The following LRRK1 variants were observed in gnomAD, a reference collection of about 807,000 sequenced individuals.
The protein encoded by LRRK1 is leucine rich repeat kinase 1.
In LRRK1, 113 loss-of-function variants were observed where a neutral mutation model predicts 209.1. That is an observed-to-expected ratio of 0.54 (90% CI 0.46 to 0.63). LRRK1 has a LOEUF of 0.63. Among genes scored for constraint, LRRK1 ranks in the 30% least tolerant of loss-of-function variants. The probability of loss-of-function intolerance (pLI) is 0.00; values close to 1 mark genes in which losing one functional copy is unlikely to be tolerated. For synonymous variants in LRRK1, 1,144 were observed against 1,099.7 expected (o/e 1.04, Z -0.80); for missense variants, 2,284 against 2,632.2 (o/e 0.87, Z 2.89).
intron 4 of LRRK1, among the ~76,000 whole-genome samples, chr15:100,988,418 G>A (rs560064137): frequency 9.9e-5 from 15 of 152,248 alleles, no homozygotes; most frequent in South Asian, 2.1e-4. Flanking sequence ...CTGTTGTTGC[G>A]TTAGTTCACT....
rs13380205 is a variant in LRRK1, at chr15:100,969,740, T to G, written c.98-4064T>G. The stretch of plus-strand genomic sequence containing the variant: ...CAGCTCCCACTTATAAGTGAGAACA[T>G]GTGGTATTTGGTTTTCTGTTCCTGT... On this transcript the variant is annotated intron_variant, in intron 2 of 33. Transcript: ENST00000388948. Among the ~76,000 whole-genome samples the G allele has an allele frequency of 2.2e-3, 337 of 152,302 alleles. 4 individuals are homozygous for G. The highest frequency in any genetic ancestry group is 7.5e-3 in the African/African-American group (312 of 41,554).
Position 100,956,738 on chromosome 15 carries a change from C to T in LRRK1, c.98-17066C>T, listed in dbSNP as rs188439512. On this transcript the variant is annotated intron_variant, in intron 2 of 33. Coordinates refer to ENST00000388948, the MANE Select transcript of LRRK1 (RefSeq NM_024652.6). ...TTGGCCTCCCAAAGTGCTGGGATTG[C>T]AGGCGTGAGCCACCATGACCAGCCT... Among the ~76,000 whole-genome samples, 316 of 152,232 alleles carry T rather than the reference C, an allele frequency of 2.1e-3. 3 individuals carry two copies. The highest frequency in any genetic ancestry group is 7.3e-3 in the African/African-American group (302 of 41,536).
Position 100,973,916 on chromosome 15 carries a change from C to A in LRRK1, c.210C>A (p.Ala70=). 7.9e-7 allele frequency: 1 copy of A among 1,265,682 alleles called. No homozygotes were observed. Among genetic ancestry groups the A allele is most frequent in the Non-Finnish European group, 1.0e-6 (1 of 1,000,028 alleles). The allele number at this position is 1,265,682 out of a possible 1,614,324, so 78.4% of individuals were successfully genotyped here. ...AAYRRGDRGG[A]RDLLEEACDQ... ...ACAGGCGGGGAGACCGCGGCGGCGC[C>A]CGGGACCTGCTGGAGGAGGCCTGCG... Residue 70 remains alanine, a synonymous_variant, in exon 3 of 34, where the codon GCC becomes GCA. Transcript: ENST00000388948.
Position 100,924,526 on chromosome 15 carries a change from T to A in LRRK1, c.-107T>A. 2 of 880,588 alleles carry A rather than the reference T, an allele frequency of 2.3e-6. No individual in the cohort carries two copies. Among genetic ancestry groups the A allele is most frequent in the Non-Finnish European group, 3.6e-6 (2 of 548,210 alleles). 54.5% of individuals were successfully genotyped at this position (880,588 alleles called of 1,614,324 possible). A position where few individuals can be genotyped will look rare whatever the true frequency, so the allele number is the denominator to read the frequency against. ...TCGCCACCAGAGCAAGAAAGCTTTC[T>A]GCTCAGCCATGGCTACGAGTCCACG... On this transcript the variant is annotated 5_prime_UTR_variant, in exon 2 of 34. Coordinates refer to ENST00000388948, the MANE Select transcript of LRRK1 (RefSeq NM_024652.6).
At chr15:100,950,884 A>ATCT (rs1240084969) in intron 2 of LRRK1, among the ~76,000 whole-genome samples, 1 of 152,198 alleles carries the variant, frequency 6.6e-6, no homozygotes, top group Non-Finnish European at 1.5e-5. Context: ...CGGGCAGATC[A>ATCT]CGAGGTCAGG....
chr15:101,059,327 GTTTGCCACTGCAGTGGGTGGTGAT>G (rs896726423), intron 29 of LRRK1, among the ~76,000 whole-genome samples: 3 of 152,188 alleles, frequency 2.0e-5, no homozygotes, highest in African/African-American at 7.2e-5. Flanking sequence ...GAACCCAGGA[GTTTGCCACTGCAGTGGGTGGTGAT>G]TGTGCCACTG....
chr15:100,927,613 C>T (rs1382616616), intron 2 of LRRK1, among the ~76,000 whole-genome samples: 6 of 152,150 alleles, frequency 3.9e-5, no homozygotes, highest in Admixed American at 3.9e-4. Context: ...GTGCAGTGAC[C>T]TAATACAGAG....
At chr15:100,941,424 GTGTC>G (rs2042422904) in intron 2 of LRRK1, among the ~76,000 whole-genome samples, 1 of 119,976 alleles carries the variant, frequency 8.3e-6, no homozygotes. Flanking sequence ...GTGTGTGTGT[GTGTC>G]TGTGTGTGTG....
intron 27 of LRRK1, among the ~76,000 whole-genome samples, chr15:101,056,188 C>T (rs1380035927): frequency 3.3e-5 from 5 of 152,164 alleles, no homozygotes; most frequent in Non-Finnish European, 5.9e-5. Context: ...TAAATTTTTC[C>T]TTGCTGGACC....
At chr15:101,011,265 G>GATCACA (rs2033224371) in intron 9 of LRRK1, among the ~76,000 whole-genome samples, 1 of 151,396 alleles carries the variant, frequency 6.6e-6, no homozygotes. Flanking sequence ...TCAGGAGATT[G>GATCACA]AGACCATCCT....
At position 100,941,440 on chromosome 15, in the gene LRRK1, G is replaced by GTC. The variant is rs1567191134; in HGVS notation, c.97+16712_97+16713insCT. Reference sequence around the variant, plus strand: ...TGTGTGTGTGTGTCTGTGTGTGTGTGTGTGTCTGTGTGTGTCTATGTCTCT... The same window carrying GTC: ...TGTGTGTGTGTGTCTGTGTGTGTGTGTCTGTGTCTGTGTGTGTCTATGTCTCT... On this transcript the variant is annotated intron_variant, in intron 2 of 33. Coordinates refer to ENST00000388948, the MANE Select transcript of LRRK1 (RefSeq NM_024652.6). Among the ~76,000 whole-genome samples the GTC allele has an allele frequency of 2.1e-4, 29 of 138,908 alleles. 6 individuals carry two copies. Among genetic ancestry groups the GTC allele is most frequent in the African/African-American group, 7.4e-4 (25 of 33,984 alleles). The allele number at this position is 138,908 out of a possible 152,430, so 91.1% of individuals were successfully genotyped here. A position where few individuals can be genotyped will look rare whatever the true frequency, so the allele number is the denominator to read the frequency against.
intron 2 of LRRK1, among the ~76,000 whole-genome samples, chr15:100,933,389 G>T (rs992083251): frequency 6.6e-6 from 1 of 152,102 alleles, no homozygotes; most frequent in Non-Finnish European, 1.5e-5. Context: ...GACATTTCTT[G>T]TATTTTCTTT....
intron 2 of LRRK1, among the ~76,000 whole-genome samples, chr15:100,957,155 A>C (rs935554883): frequency 2.6e-5 from 4 of 152,240 alleles, no homozygotes; most frequent in Non-Finnish European, 5.9e-5. Context: ...ATAAGAAAAG[A>C]AACTTGATAA....
chr15:100,994,768 G>C (rs1458516108), intron 6 of LRRK1, among the ~76,000 whole-genome samples: 1 of 152,160 alleles, frequency 6.6e-6, no homozygotes, highest in Non-Finnish European at 1.5e-5. Flanking sequence ...AAGTACCTTG[G>C]AGTGGGTGTG....
chr15:100,978,520 G>GAA (rs34336128), intron 3 of LRRK1, among the ~76,000 whole-genome samples: 13 of 151,712 alleles, frequency 8.6e-5, no homozygotes, highest in African/African-American at 1.2e-4. Flanking sequence ...GCCTTTAGGG[G>GAA]AAAAAAAATC....
At chr15:101,062,547 T>C (rs755128715) in intron 30 of LRRK1, 27 bp from the exon 31 acceptor site, 1 of 1,490,308 alleles carries the variant, frequency 6.7e-7, no homozygotes, top group Admixed American at 1.7e-5. Flanking sequence ...AGCCTGGGTC[T>C]CACAGTGGAC....
intron 3 of LRRK1, among the ~76,000 whole-genome samples, chr15:100,975,182 G>A (rs954696172): frequency 3.3e-5 from 5 of 152,244 alleles, no homozygotes; most frequent in Non-Finnish European, 7.3e-5. Flanking sequence ...TGGGCTCCTC[G>A]GGTGCACCCC....
intron 2 of LRRK1, among the ~76,000 whole-genome samples, chr15:100,951,016 T>C (rs556858705): frequency 1.3e-5 from 2 of 152,164 alleles, no homozygotes; most frequent in Non-Finnish European, 2.9e-5. Context: ...GGCAGGAGAA[T>C]GGCGTGAACC....
intron 1 of LRRK1, among the ~76,000 whole-genome samples, chr15:100,923,728 C>T (rs1252186095): frequency 6.6e-6 from 1 of 152,192 alleles, no homozygotes; most frequent in Non-Finnish European, 1.5e-5. Flanking sequence ...AGTCTAACTC[C>T]ACCCTGGAAC....
Sources: allele counts gnomAD v4.1 joint callset (sites outside exome capture counted in the v4.1 genomes callset), GRCh38; gene constraint gnomAD v4.1.1; transcripts MANE v1.5; gene names NCBI Gene and HGNC (gene_info 2026-07-23, HGNC 2026-07-21).